OR1L8: variants seen among roughly 807,000 people sequenced by gnomAD.
The protein encoded by OR1L8 is olfactory receptor 1L8.
For missense variants in OR1L8, 330 were observed against 377.4 expected (o/e 0.87, Z 1.04); for synonymous variants, 148 against 147.0 (o/e 1.01, Z -0.05).
At chr9:122,548,757 C>T in the OR1L8 span, among the ~76,000 whole-genome samples, 1 of 119,990 alleles carries the variant, frequency 8.3e-6, no homozygotes, top group East Asian at 3.1e-4. Context: ...CCTCTACCCC[C>T]ACCCCACAAC....
chr9:122,563,599 A>G (rs1051282807), downstream of OR1L8, among the ~76,000 whole-genome samples: 1 of 152,234 alleles, frequency 6.6e-6, no homozygotes, highest in African/African-American at 2.4e-5. Context: ...TCTGCTGCGC[A>G]GATGCAATTT....
chr9:122,549,936 A>C, the OR1L8 span, among the ~76,000 whole-genome samples: 7,373 of 152,176 alleles, frequency 0.048, 575 homozygotes, highest in African/African-American at 0.17. Flanking sequence ...TTGAATCTAT[A>C]GATTGCTTTG....
chr9:122,550,729 A>G, the OR1L8 span, among the ~76,000 whole-genome samples: 2 of 152,140 alleles, frequency 1.3e-5, no homozygotes, highest in Admixed American at 1.3e-4. Flanking sequence ...TCAACAAACT[A>G]GGCCTAGAAG....
the OR1L8 span, among the ~76,000 whole-genome samples, chr9:122,560,067 T>C: frequency 0.27 from 41,424 of 152,098 alleles, 5,813 homozygotes; most frequent in Middle Eastern, 0.34. Flanking sequence ...GCATTGTTCC[T>C]TTTACCATTA....
Position 122,572,059 on chromosome 9 carries a change from A to G in OR1L8, c.-213+721T>C, listed in dbSNP as rs560763368. Reference sequence around the variant, plus strand: ...GGCAAAGCCGGAGCAGGCATCTTACATGGCAGGAGCAGAACAGAGGTGGGG... The same window carrying G: ...GGCAAAGCCGGAGCAGGCATCTTACGTGGCAGGAGCAGAACAGAGGTGGGG... On this transcript the variant is annotated intron_variant, in intron 4 of 4. Transcript: ENST00000641027. Among the ~76,000 whole-genome samples, 289 of 152,306 alleles carry G rather than the reference A, an allele frequency of 1.9e-3. 2 individuals carry two copies. Among genetic ancestry groups the G allele is most frequent in the African/African-American group, 6.8e-3 (281 of 41,576 alleles).
chr9:122,551,891 C>A, the OR1L8 span, among the ~76,000 whole-genome samples: 2 of 152,040 alleles, frequency 1.3e-5, no homozygotes, highest in African/African-American at 4.8e-5. Flanking sequence ...ACTCAATAGA[C>A]CCCGACTTTA....
the OR1L8 span, among the ~76,000 whole-genome samples, chr9:122,546,486 T>G: frequency 2.0e-5 from 3 of 152,190 alleles, no homozygotes; most frequent in African/African-American, 7.2e-5. Context: ...CCTGCTGCCT[T>G]GCTGTGAGCT....
intron 3 of OR1L8, among the ~76,000 whole-genome samples, chr9:122,576,484 C>CT (rs1829659229): frequency 6.6e-6 from 1 of 152,034 alleles, no homozygotes; most frequent in Admixed American, 6.5e-5. Flanking sequence ...ATCTGCCCGC[C>CT]TTGGCCTCCC....
chr9:122,558,311 C>CTTTTTTTTTT, the OR1L8 span, among the ~76,000 whole-genome samples: 10 of 34,472 alleles, frequency 2.9e-4, 2 homozygotes, highest in East Asian at 2.7e-3. Context: ...TTGGATTTTG[C>CTTTTTTTTTT]TTTTTTTTTT....
chr9:122,581,943 GTAAA>G (rs1223918211), intron 1 of OR1L8, among the ~76,000 whole-genome samples: 1 of 152,002 alleles, frequency 6.6e-6, no homozygotes, highest in Non-Finnish European at 1.5e-5. Context: ...GAATAAATAA[GTAAA>G]TAAAGACAGA....
At chr9:122,582,334 AG>A (rs1282886297) in intron 1 of OR1L8, among the ~76,000 whole-genome samples, 1 of 152,236 alleles carries the variant, frequency 6.6e-6, no homozygotes, top group Non-Finnish European at 1.5e-5. Flanking sequence ...ATTAGGTAAA[AG>A]TAAACAAAAA....
chr9:122,561,590 C>G, the OR1L8 span, among the ~76,000 whole-genome samples: 3 of 152,076 alleles, frequency 2.0e-5, no homozygotes, highest in Non-Finnish European at 4.4e-5. Context: ...TCAGGTCCCT[C>G]TTCTGTAGGG....
chr9:122,557,850 T>C, the OR1L8 span, among the ~76,000 whole-genome samples: 1 of 152,056 alleles, frequency 6.6e-6, no homozygotes, highest in Non-Finnish European at 1.5e-5. Flanking sequence ...TGGTACTTTC[T>C]GTTTGGGAAA....
At chr9:122,561,828 C>A in the OR1L8 span, among the ~76,000 whole-genome samples, 1 of 152,146 alleles carries the variant, frequency 6.6e-6, no homozygotes, top group South Asian at 2.1e-4. Context: ...GCACTGGGAG[C>A]AGGACCCATT....
chr9:122,567,417 C>A lies in OR1L8; in HGVS notation c.*131G>T. ...GGGTCATCATCAATGGATGTAAGTG[C>A]CCACAATAGCCTTGTCTCACATGGG... On this transcript the variant is annotated 3_prime_UTR_variant, in exon 5 of 5. Transcript: ENST00000641027. The A allele has an allele frequency of 1.6e-6, 1 of 629,446 alleles. No individual in the cohort carries two copies. The highest frequency in any genetic ancestry group is 2.3e-5 in the South Asian group (1 of 43,694). 39.0% of individuals were successfully genotyped at this position (629,446 alleles called of 1,614,324 possible).
chr9:122,582,060 A>G (rs1829745102), intron 1 of OR1L8, among the ~76,000 whole-genome samples: 1 of 152,228 alleles, frequency 6.6e-6, no homozygotes. Context: ...AGCTAGGACC[A>G]CTGAAGGACT....
the OR1L8 span, among the ~76,000 whole-genome samples, chr9:122,556,933 T>A: frequency 7.2e-6 from 1 of 138,296 alleles, no homozygotes. Flanking sequence ...CTCCTATCAG[T>A]TCTGCAGTTT....
chr9:122,549,901 T>C, the OR1L8 span, among the ~76,000 whole-genome samples: 1 of 152,122 alleles, frequency 6.6e-6, no homozygotes, highest in Admixed American at 6.6e-5. Context: ...TGAAAAATGG[T>C]GTTGGTATTT....
downstream of OR1L8, among the ~76,000 whole-genome samples, chr9:122,565,046 C>T (rs193285670): frequency 4.6e-5 from 7 of 152,286 alleles, no homozygotes; most frequent in East Asian, 9.6e-4. Context: ...TATACTTCCT[C>T]GTGAAATTTA....
Sources: allele counts gnomAD v4.1 joint callset (sites outside exome capture counted in the v4.1 genomes callset), GRCh38; gene constraint gnomAD v4.1.1; transcripts MANE v1.5; gene names NCBI Gene and HGNC (gene_info 2026-07-23, HGNC 2026-07-21).